GLB1: variants seen among roughly 807,000 people sequenced by gnomAD.
The protein encoded by GLB1 is beta-galactosidase.
Under a neutral mutation model 74.0 loss-of-function variants are expected in GLB1, and 56 were observed. That is an observed-to-expected ratio of 0.76 (90% confidence interval 0.61 to 0.94). The LOEUF is 0.94. Ranked by LOEUF, GLB1 falls within the 40% of genes least tolerant of loss-of-function variation. The pLI, the probability that GLB1 is intolerant of heterozygous loss-of-function variation, is 0.00. For synonymous variants in GLB1, 323 were observed against 323.6 expected, an observed-to-expected ratio of 1.00 and a Z score of 0.02; for missense variants, 787 against 845.5, an observed-to-expected ratio of 0.93 and a Z score of 0.86.
intron 10 of GLB1, among the ~76,000 whole-genome samples, chr3:33,030,384 G>A (rs946502997): frequency 6.6e-5 from 10 of 152,212 alleles, no homozygotes; most frequent in South Asian, 2.1e-4. Flanking sequence ...TACAGGAAAC[G>A]AAGAGACCAG....
At chr3:33,027,521 G>A (rs901700978) in intron 10 of GLB1, among the ~76,000 whole-genome samples, 5 of 152,242 alleles carry the variant, frequency 3.3e-5, no homozygotes, top group Non-Finnish European at 5.9e-5. Context: ...CCCGGCTCAC[G>A]CCTATATTCC....
chr3:33,065,452 TC>T lies in GLB1; in HGVS notation c.552+10del. The T allele has an allele frequency of 6.4e-7, 1 of 1,572,086 alleles. No individual in the cohort carries two copies. Among genetic ancestry groups the T allele is most frequent in the Non-Finnish European group, 8.7e-7 (1 of 1,155,898 alleles). ...CTCCCCCAATCCATCCATGCTCAACTCCAGGGTTACCTGCACTGTTATAACT... is the reference window on the plus strand; with the variant it reads ...CTCCCCCAATCCATCCATGCTCAACTCAGGGTTACCTGCACTGTTATAACT... On this transcript the variant is annotated intron_variant, in intron 5 of 15. Coordinates refer to ENST00000307363, the MANE Select transcript of GLB1 (RefSeq NM_000404.4).
chr3:33,044,819 G>A (rs1218282256), intron 10 of GLB1, among the ~76,000 whole-genome samples: 2 of 152,098 alleles, frequency 1.3e-5, no homozygotes, highest in Non-Finnish European at 2.9e-5. Context: ...TCAGGTGACT[G>A]AGCATAAAAA....
chr3:32,997,386 C>A (rs1369185512), intron 15 of GLB1, 42 bp from the exon 16 acceptor site: 2 of 1,609,776 alleles, frequency 1.2e-6, no homozygotes. Flanking sequence ...CCAGATGCAC[C>A]GAAAGCCCTG....
the GLB1 span, among the ~76,000 whole-genome samples, chr3:32,966,250 C>T: frequency 6.6e-6 from 1 of 152,242 alleles, no homozygotes; most frequent in Non-Finnish European, 1.5e-5. Flanking sequence ...TGCAAAGCCA[C>T]AGGGGCGGAG....
intron 1 of GLB1, among the ~76,000 whole-genome samples, chr3:33,079,703 T>C (rs1162915499): frequency 6.6e-6 from 1 of 152,216 alleles, no homozygotes; most frequent in African/African-American, 2.4e-5. Flanking sequence ...ATGTAGCCCT[T>C]GCCATTGTGA....
chr3:33,056,505 G>A (rs1490982391), intron 6 of GLB1, among the ~76,000 whole-genome samples: 1 of 151,466 alleles, frequency 6.6e-6, no homozygotes, highest in Non-Finnish European at 1.5e-5. Flanking sequence ...CCTTGAACTC[G>A]TGGGCTCAAG....
intron 15 of GLB1, among the ~76,000 whole-genome samples, chr3:33,007,213 G>A (rs1696824685): frequency 1.3e-5 from 2 of 152,204 alleles, no homozygotes; most frequent in African/African-American, 2.4e-5. Context: ...TGGGCCTTGT[G>A]TGTGGCACTT....
At chr3:33,072,828 G>C (rs1699935412) in intron 1 of GLB1, 115 bp from the exon 2 acceptor site, 1 of 1,486,112 alleles carries the variant, frequency 6.7e-7, no homozygotes, top group Non-Finnish European at 9.1e-7. Context: ...TGTGCTGATG[G>C]ACTTAATGCT....
intron 5 of GLB1, 34 bp downstream of exon 5, chr3:33,065,429 C>T (rs1226057265): frequency 3.2e-6 from 5 of 1,553,976 alleles, no homozygotes; most frequent in Non-Finnish European, 4.4e-6. Flanking sequence ...GGGAACCCCT[C>T]CCCCAATCCA....
chr3:32,991,202 C>T, the GLB1 span, among the ~76,000 whole-genome samples: 1 of 151,952 alleles, frequency 6.6e-6, no homozygotes, highest in Non-Finnish European at 1.5e-5. Flanking sequence ...AGTTAATTCC[C>T]CTCAGTTAAT....
intron 10 of GLB1, among the ~76,000 whole-genome samples, chr3:33,028,972 C>A (rs948657329): frequency 6.6e-6 from 1 of 152,072 alleles, no homozygotes; most frequent in Non-Finnish European, 1.5e-5. Context: ...CATCATTTAC[C>A]CAATTTTCTA....
chr3:32,978,763 TTC>T, the GLB1 span, among the ~76,000 whole-genome samples: 744 of 66,552 alleles, frequency 0.011, 5 homozygotes, highest in African/African-American at 0.023. Context: ...CTTTCTTTCT[TTC>T]TTTTTTTTTT....
intron 15 of GLB1, among the ~76,000 whole-genome samples, chr3:33,003,846 A>G (rs905209284): frequency 4.6e-5 from 7 of 152,196 alleles, no homozygotes; most frequent in Admixed American, 1.3e-4. Flanking sequence ...CCTGGCCTAC[A>G]TGGTGAAACC....
At chr3:33,063,950 TC>T (rs1419897594) in intron 5 of GLB1, among the ~76,000 whole-genome samples, 1 of 151,976 alleles carries the variant, frequency 6.6e-6, no homozygotes, top group African/African-American at 2.4e-5. Flanking sequence ...TCTCAGCACC[TC>T]TGTCCACCGA....
chr3:33,048,290 G>A (rs1698825485), intron 9 of GLB1, among the ~76,000 whole-genome samples: 1 of 152,232 alleles, frequency 6.6e-6, no homozygotes, highest in Non-Finnish European at 1.5e-5. Context: ...TCTACTGGCA[G>A]AATCTTACTT....
At chr3:33,053,674 A>T in intron 6 of GLB1, 125 bp from the exon 7 acceptor site, 3 of 1,296,824 alleles carry the variant, frequency 2.3e-6, no homozygotes, top group Non-Finnish European at 3.3e-6. Context: ...ATCCCCCCAA[A>T]ATTCTCATGT....
chr3:33,070,083 C>T (rs2125550458), intron 2 of GLB1, among the ~76,000 whole-genome samples: 2 of 152,228 alleles, frequency 1.3e-5, no homozygotes, highest in Admixed American at 1.3e-4. Flanking sequence ...CCTGTGTTTG[C>T]TCAGGATAAT....
At chr3:33,051,515 G>A (rs1484325940) in intron 9 of GLB1, among the ~76,000 whole-genome samples, 1 of 149,710 alleles carries the variant, frequency 6.7e-6, no homozygotes, top group African/African-American at 2.5e-5. Flanking sequence ...TGAGGCAGGA[G>A]GATCCCTTGA....
Sources: allele counts gnomAD v4.1 joint callset (sites outside exome capture counted in the v4.1 genomes callset), GRCh38; gene constraint gnomAD v4.1.1; transcripts MANE v1.5; gene names NCBI Gene and HGNC (gene_info 2026-07-23, HGNC 2026-07-21).